STARD13: variants seen among roughly 807,000 people sequenced by gnomAD.
The protein encoded by STARD13 is StAR related lipid transfer domain containing 13, also known as stAR-related lipid transfer protein 13.
A neutral mutation model predicts 106.4 loss-of-function variants in STARD13; 62 were observed. That is an observed-to-expected ratio of 0.58 (90% CI 0.48 to 0.72). STARD13 has a LOEUF of 0.72. STARD13 is among the 30% of genes least tolerant of loss of function. The pLI is 0.00. For missense variants in STARD13, 1,387 were observed against 1,424.0 expected (o/e 0.97, Z 0.42); for synonymous variants, 565 against 553.0 (o/e 1.02, Z -0.31).
chr13:33,220,266 C>G (rs1444161987), intron 1 of STARD13, among the ~76,000 whole-genome samples: 1 of 152,140 alleles, frequency 6.6e-6, no homozygotes, highest in Non-Finnish European at 1.5e-5. Flanking sequence ...TCCTCAGGGT[C>G]ATGAAACACA....
the STARD13 span, among the ~76,000 whole-genome samples, chr13:33,464,514 T>A: frequency 5.3e-5 from 8 of 152,156 alleles, no homozygotes; most frequent in Admixed American, 1.3e-4. Context: ...GATCCTATGC[T>A]ACTATTGCAT....
the STARD13 span, among the ~76,000 whole-genome samples, chr13:33,364,968 G>GAA: frequency 6.6e-6 from 1 of 152,188 alleles, no homozygotes; most frequent in Non-Finnish European, 1.5e-5. Context: ...CAGGAGAACA[G>GAA]AAAGGGGCTC....
In STARD13 at chr13:33,110,873, G is replaced by A. The variant is rs1874442115; in HGVS notation, c.2642C>T (p.Ser881Leu). The stretch of plus-strand genomic sequence containing the variant: ...CACGTGGATCTCAGCCTCCACATAC[G>A]AGTTACGAGACTGGGCCACCAACTC... ...PHELVAQSRN[S>L]YVEAEIHVPT... The change falls in exon 11 of 14, where the codon TCG (serine) becomes TTG (leucine). Residue 881 changes from serine (S) to leucine (L), a missense_variant. By Grantham distance (145) the Ser-to-Leu change is moderately radical. Transcript: ENST00000336934. The A allele has an allele frequency of 4.3e-6, 7 of 1,613,552 alleles. No individual in the cohort carries two copies. Among genetic ancestry groups the A allele is most frequent in the Middle Eastern group, 1.8e-4 (1 of 5,600 alleles).
chr13:33,230,457 C>T lies in STARD13; in HGVS notation c.169+55013G>A, dbSNP rs115789564. On this transcript the variant is annotated intron_variant, in intron 1 of 13. Coordinates refer to ENST00000336934, the MANE Select transcript of STARD13 (RefSeq NM_178006.4). ...ACACTGCCTCCAACATTACTTTGCC[C>T]AGCCCTTTATTTCAGAAAAATCTTC... Among the ~76,000 whole-genome samples the T allele has an allele frequency of 8.2e-3, 1,245 of 152,306 alleles. 23 individuals carry two copies. Among genetic ancestry groups the T allele is most frequent in the African/African-American group, 0.029 (1,187 of 41,552 alleles).
At chr13:33,586,413 T>G in the STARD13 span, among the ~76,000 whole-genome samples, 3 of 152,156 alleles carry the variant, frequency 2.0e-5, no homozygotes, top group Admixed American at 6.5e-5. Context: ...CAGGCATGAC[T>G]CTACATAACT....
the STARD13 span, among the ~76,000 whole-genome samples, chr13:33,598,174 A>G: frequency 1.1e-4 from 17 of 151,960 alleles, no homozygotes; most frequent in East Asian, 2.9e-3. Context: ...CTTGACTTCT[A>G]CTCCTAGAGA....
the STARD13 span, among the ~76,000 whole-genome samples, chr13:33,644,874 A>G: frequency 3.9e-5 from 6 of 152,312 alleles, no homozygotes; most frequent in Non-Finnish European, 5.9e-5. Context: ...GATGGCTCCA[A>G]TATAACAATA....
At chr13:33,145,126 T>C (rs75718813) in intron 3 of STARD13, among the ~76,000 whole-genome samples, 4,932 of 152,316 alleles carry the variant, frequency 0.032, 279 homozygotes, top group African/African-American at 0.11. Context: ...TTGCAAAACA[T>C]GTATTTGATA....
chr13:33,525,982 T>C, the STARD13 span, among the ~76,000 whole-genome samples: 1 of 152,142 alleles, frequency 6.6e-6, no homozygotes, highest in African/African-American at 2.4e-5. Context: ...AGAATGTGAG[T>C]ACACAGGAGC....
In STARD13 at chr13:33,135,087, G is replaced by A. The variant is rs570309093; in HGVS notation, c.388-4798C>T. ...TTCTAAGCGCTCCACATTTTAAGGG[G>A]TACATTTCTAGAGAAGAGTAATCAG... On this transcript the variant is annotated intron_variant, in intron 4 of 13. Coordinates refer to ENST00000336934, the MANE Select transcript of STARD13 (RefSeq NM_178006.4). Among the ~76,000 whole-genome samples, 179 of 152,338 alleles carry A rather than the reference G, an allele frequency of 1.2e-3. 1 individual carries two copies. Among genetic ancestry groups the A allele is most frequent in the Admixed American group, 3.6e-3 (55 of 15,304 alleles).
chr13:33,562,999 A>G, the STARD13 span, among the ~76,000 whole-genome samples: 2 of 146,876 alleles, frequency 1.4e-5, no homozygotes, highest in African/African-American at 5.1e-5. Flanking sequence ...GCTTTTGGCC[A>G]CAAATGATAT....
At chr13:33,204,549 C>T (rs1048326079) in intron 1 of STARD13, among the ~76,000 whole-genome samples, 3 of 152,170 alleles carry the variant, frequency 2.0e-5, no homozygotes, top group Non-Finnish European at 4.4e-5. Flanking sequence ...CCGTAGAAAC[C>T]ATATGGTTGT....
At chr13:33,600,526 C>T in the STARD13 span, among the ~76,000 whole-genome samples, 2 of 152,144 alleles carry the variant, frequency 1.3e-5, no homozygotes, top group Non-Finnish European at 2.9e-5. Flanking sequence ...GAAACACATA[C>T]ATACATATAC....
At chr13:33,336,542 C>G (rs1316274267) in intron 1 of STARD13, 10 of 152,022 alleles carry the variant, frequency 6.6e-5, no homozygotes. Context: ...TTGCTTGAGC[C>G]GGAGAGTTTG....
the STARD13 span, among the ~76,000 whole-genome samples, chr13:33,519,685 C>A: frequency 6.6e-6 from 1 of 152,136 alleles, no homozygotes; most frequent in Non-Finnish European, 1.5e-5. Flanking sequence ...TAAAAAGCCA[C>A]AGAAAGCATC....
the STARD13 span, among the ~76,000 whole-genome samples, chr13:33,449,951 T>A: frequency 6.6e-6 from 1 of 152,170 alleles, no homozygotes; most frequent in Non-Finnish European, 1.5e-5. Context: ...CAACTTTGCT[T>A]AATTTATTTA....
the STARD13 span, among the ~76,000 whole-genome samples, chr13:33,475,193 T>C: frequency 6.6e-6 from 1 of 152,172 alleles, no homozygotes; most frequent in Non-Finnish European, 1.5e-5. Context: ...AAAATACTGA[T>C]ATTTGACAGA....
At chr13:33,653,536 G>C in the STARD13 span, among the ~76,000 whole-genome samples, 1 of 152,050 alleles carries the variant, frequency 6.6e-6, no homozygotes, top group Admixed American at 6.6e-5. Context: ...ACTCGAAATG[G>C]ACCAAATACC....
At chr13:33,471,179 C>T in the STARD13 span, among the ~76,000 whole-genome samples, 275 of 152,246 alleles carry the variant, frequency 1.8e-3, 1 homozygote, top group Non-Finnish European at 2.7e-3. Context: ...GGAACTACTG[C>T]TGGAATGATA....
Sources: gnomAD v4.1 joint callset for allele counts (sites outside exome capture counted in the v4.1 genomes callset) on GRCh38, gnomAD v4.1.1 for gene constraint, MANE v1.5 for transcripts, NCBI Gene and HGNC (gene_info 2026-07-23, HGNC 2026-07-21) for gene names.